The following ROBO1 variants were observed in gnomAD, a reference collection of about 807,000 sequenced individuals.
ROBO1 encodes roundabout homolog 1.
ROBO1 carries 149 observed loss-of-function variants against 195.9 expected under a neutral mutation model. That is an observed-to-expected ratio of 0.76 (90% CI 0.67 to 0.87). The LOEUF (loss-of-function observed/expected upper bound fraction) is 0.87. ROBO1 is among the 40% of genes least tolerant of loss of function. ROBO1 has a pLI of 0.00. For synonymous variants in ROBO1, 816 were observed against 733.2 expected (o/e 1.11, Z -1.82); for missense variants, 1,933 against 2,068.3 (o/e 0.93, Z 1.27).
intron 3 of ROBO1, among the ~76,000 whole-genome samples, chr3:78,962,597 G>A (rs1053574053): frequency 6.6e-6 from 1 of 151,902 alleles, no homozygotes; most frequent in African/African-American, 2.4e-5. Flanking sequence ...AGGCCGAGGA[G>A]GGCGGATCAC....
At position 78,668,061 on chromosome 3, in the gene ROBO1, C is replaced by A. The variant is rs564954178; in HGVS notation, c.1800-12G>T. 3.7e-6 allele frequency: 6 copies of A among 1,613,148 alleles called. No homozygotes were observed. In the African/African-American group the frequency reaches 8.0e-5, roughly 22 times the overall value. On this transcript the variant is annotated splice_polypyrimidine_tract_variant and intron_variant, in intron 13 of 30. Coordinates refer to ENST00000464233, the MANE Select transcript of ROBO1 (RefSeq NM_002941.4). The stretch of plus-strand genomic sequence containing the variant: ...TACCAGATGCATGGCTAAGGATAGA[C>A]ACACAGGTTAGAACATGCGTATTTA...
chr3:78,668,851 A>T (rs1410498089), intron 11 of ROBO1, among the ~76,000 whole-genome samples: 1 of 152,194 alleles, frequency 6.6e-6, no homozygotes, highest in East Asian at 1.9e-4. Flanking sequence ...TCCTAAGGTA[A>T]GGCATACAAT....
At chr3:79,074,909 A>G (rs1167810835) in intron 3 of ROBO1, among the ~76,000 whole-genome samples, 2 of 151,884 alleles carry the variant, frequency 1.3e-5, no homozygotes, top group Non-Finnish European at 2.9e-5. Flanking sequence ...AAAACATTTC[A>G]TTTTCTGTTT....
At chr3:79,725,758 G>A (rs958678694) in intron 1 of ROBO1, among the ~76,000 whole-genome samples, 48 of 152,068 alleles carry the variant, frequency 3.2e-4, no homozygotes, top group Non-Finnish European at 4.7e-4. Context: ...GCAGCTAAAA[G>A]CATCTTTACT....
chr3:79,274,368 C>T (rs542283717), intron 2 of ROBO1, among the ~76,000 whole-genome samples: 1 of 151,948 alleles, frequency 6.6e-6, no homozygotes, highest in Non-Finnish European at 1.5e-5. Flanking sequence ...TGAAAAAATA[C>T]ACGGAAATTA....
chr3:79,389,243 A>G (rs1198266668), intron 2 of ROBO1, among the ~76,000 whole-genome samples: 1 of 152,060 alleles, frequency 6.6e-6, no homozygotes, highest in African/African-American at 2.4e-5. Flanking sequence ...AATGAATAAT[A>G]TAACTATAAA....
intron 4 of ROBO1, among the ~76,000 whole-genome samples, chr3:78,832,618 C>T (rs528290983): frequency 6.6e-6 from 1 of 152,114 alleles, no homozygotes; most frequent in African/African-American, 2.4e-5. Context: ...AGGATGTGAT[C>T]TCTGTTTTGC....
At chr3:78,875,585 G>A (rs1025765349) in intron 4 of ROBO1, among the ~76,000 whole-genome samples, 21 of 152,042 alleles carry the variant, frequency 1.4e-4, no homozygotes, top group Admixed American at 2.6e-4. Flanking sequence ...ATAGCTTATG[G>A]AAATATTTAC....
At chr3:78,620,192 A>G (rs1167299062) in intron 26 of ROBO1, among the ~76,000 whole-genome samples, 1 of 152,056 alleles carries the variant, frequency 6.6e-6, no homozygotes, top group Non-Finnish European at 1.5e-5. Context: ...TTGATATGGC[A>G]CAGTTTTTAG....
At chr3:79,098,424 T>A (rs1166426687) in intron 3 of ROBO1, among the ~76,000 whole-genome samples, 1 of 151,818 alleles carries the variant, frequency 6.6e-6, no homozygotes, top group African/African-American at 2.4e-5. Context: ...CATGATGTAT[T>A]AGGCATGCTG....
chr3:79,694,964 A>G (rs551273989), intron 1 of ROBO1, among the ~76,000 whole-genome samples: 73 of 151,738 alleles, frequency 4.8e-4, no homozygotes, highest in African/African-American at 1.8e-3. Context: ...TAATTATAAT[A>G]AAATATTGAT....
chr3:78,692,506 A>C (rs575853545), intron 8 of ROBO1, among the ~76,000 whole-genome samples: 1 of 152,138 alleles, frequency 6.6e-6, no homozygotes, highest in African/African-American at 2.4e-5. Context: ...CTTGGCCTCA[A>C]ATTATTCACC....
chr3:79,736,742 T>TC (rs1465529682), intron 1 of ROBO1, among the ~76,000 whole-genome samples: 1 of 152,188 alleles, frequency 6.6e-6, no homozygotes, highest in Non-Finnish European at 1.5e-5. Flanking sequence ...CAGACTTGAA[T>TC]ACATTCTTGC....
At position 78,746,739 on chromosome 3, in the gene ROBO1, TCA is replaced by T. The variant is rs1445948750; in HGVS notation, c.657+2_657+3del. 1.3e-6 allele frequency: 2 copies of T among 1,491,580 alleles called. No homozygotes were observed. The highest frequency in any genetic ancestry group is 1.8e-6 in the Non-Finnish European group (2 of 1,105,336). The allele number at this position is 1,491,580 out of a possible 1,614,324, so 92.4% of individuals were successfully genotyped here. A position where few individuals can be genotyped will look rare whatever the true frequency, so the allele number is the denominator to read the frequency against. On this transcript the variant is annotated splice_donor_variant and splice_donor_region_variant and intron_variant, in intron 5 of 30. Transcript: ENST00000464233. LOFTEE classifies it high-confidence loss of function. The stretch of plus-strand genomic sequence containing the variant: ...TGTCCTCTGCTGTTGAATTAAATAC[TCA>T]CAGTTATTCTTTCATCTTTATCATC...
intron 2 of ROBO1, among the ~76,000 whole-genome samples, chr3:79,560,408 G>A (rs1479763219): frequency 1.4e-5 from 2 of 146,972 alleles, no homozygotes; most frequent in Admixed American, 6.8e-5. Flanking sequence ...GGGAGGGATA[G>A]CATTAGGAGA....
At chr3:79,044,522 T>C (rs2078553178) in intron 3 of ROBO1, among the ~76,000 whole-genome samples, 1 of 152,154 alleles carries the variant, frequency 6.6e-6, no homozygotes, top group Admixed American at 6.6e-5. Flanking sequence ...TATAATTTGC[T>C]TTCAGAGATA....
chr3:79,712,904 A>G (rs114357833), intron 1 of ROBO1, among the ~76,000 whole-genome samples: 4,200 of 152,046 alleles, frequency 0.028, 188 homozygotes, highest in African/African-American at 0.095. Flanking sequence ...GTGATAGTAC[A>G]CCTGTTTATA....
intron 5 of ROBO1, among the ~76,000 whole-genome samples, chr3:78,739,031 A>G (rs1235245061): frequency 6.6e-6 from 1 of 152,078 alleles, no homozygotes; most frequent in Non-Finnish European, 1.5e-5. Context: ...AGAATAAACA[A>G]CTCAGCATAA....
intron 3 of ROBO1, among the ~76,000 whole-genome samples, chr3:79,043,715 CAT>C (rs1233627021): frequency 1.3e-5 from 2 of 152,028 alleles, no homozygotes; most frequent in Non-Finnish European, 2.9e-5. Flanking sequence ...GTTGATAACA[CAT>C]GTTAAGTATA....
Sources: allele counts gnomAD v4.1 joint callset (sites outside exome capture counted in the v4.1 genomes callset), GRCh38; gene constraint gnomAD v4.1.1; transcripts MANE v1.5; gene names NCBI Gene and HGNC (gene_info 2026-07-23, HGNC 2026-07-21).